Variants in KCNK5 observed in about 807,000 individuals in gnomAD.
The protein encoded by KCNK5 is potassium channel subfamily K member 5.
Under a neutral mutation model 32.9 loss-of-function variants are expected in KCNK5, and 18 were observed. That is an observed-to-expected ratio of 0.55 (90% CI 0.38 to 0.81). The LOEUF is 0.81. KCNK5 is among the 30% of genes least tolerant of loss of function. The probability of loss-of-function intolerance (pLI) is 0.00; values close to 1 mark genes in which losing one functional copy is unlikely to be tolerated. For synonymous variants in KCNK5, 276 were observed against 275.3 expected, an observed-to-expected ratio of 1.00 and a Z score of -0.03; for missense variants, 507 against 651.0, an observed-to-expected ratio of 0.78 and a Z score of 2.41.
At chr6:39,221,402 A>C (rs1195741101) in intron 1 of KCNK5, among the ~76,000 whole-genome samples, 1 of 152,198 alleles carries the variant, frequency 6.6e-6, no homozygotes, top group Non-Finnish European at 1.5e-5. Flanking sequence ...TCAGTCCTCT[A>C]TCCAACAGTG....
At chr6:39,211,088 T>C (rs1479855357) in intron 1 of KCNK5, among the ~76,000 whole-genome samples, 1 of 152,076 alleles carries the variant, frequency 6.6e-6, no homozygotes, top group Non-Finnish European at 1.5e-5. Flanking sequence ...AGATTTGTGG[T>C]GGGAAGATAG....
At chr6:39,215,557 A>G (rs1287093171) in intron 1 of KCNK5, among the ~76,000 whole-genome samples, 1 of 152,178 alleles carries the variant, frequency 6.6e-6, no homozygotes, top group Non-Finnish European at 1.5e-5. Flanking sequence ...AGGGTACCCA[A>G]GCCAAAATAA....
chr6:39,216,583 G>T (rs1458344485), intron 1 of KCNK5, among the ~76,000 whole-genome samples: 1 of 152,188 alleles, frequency 6.6e-6, no homozygotes, highest in Admixed American at 6.5e-5. Context: ...CAGAGGGCCT[G>T]GGTTCAGGCC....
At chr6:39,212,657 C>T (rs1246223477) in intron 1 of KCNK5, among the ~76,000 whole-genome samples, 1 of 152,196 alleles carries the variant, frequency 6.6e-6, no homozygotes, top group African/African-American at 2.4e-5. Flanking sequence ...CTCTGCAGGA[C>T]TCCCCTCCCA....
chr6:39,221,331 C>T (rs781482390), intron 1 of KCNK5, among the ~76,000 whole-genome samples: 1 of 152,118 alleles, frequency 6.6e-6, no homozygotes, highest in Non-Finnish European at 1.5e-5. Context: ...TCCCAGCCCC[C>T]GACTCCACCT....
rs549536018 is a variant in KCNK5, at chr6:39,212,675, C to A, written c.186+16251G>T. Among the ~76,000 whole-genome samples the A allele has an allele frequency of 3.3e-5, 5 of 152,326 alleles. No homozygotes were observed. In the East Asian group the frequency reaches 9.6e-4, roughly 29 times the overall value. Reference sequence around the variant, plus strand: ...TGCAGGACTCCCCTCCCAGACCACACCCCCACCACCTTTGTGTGGGAAATG... The same window carrying A: ...TGCAGGACTCCCCTCCCAGACCACAACCCCACCACCTTTGTGTGGGAAATG... On this transcript the variant is annotated intron_variant, in intron 1 of 4. Coordinates refer to ENST00000359534, the MANE Select transcript of KCNK5 (RefSeq NM_003740.4).
At chr6:39,209,734 C>T (rs1276032320) in intron 1 of KCNK5, among the ~76,000 whole-genome samples, 1 of 152,194 alleles carries the variant, frequency 6.6e-6, no homozygotes, top group African/African-American at 2.4e-5. Context: ...CAGACGTTTC[C>T]AAGCCTGTTT....
At chr6:39,201,409 G>A (rs906987450) in intron 1 of KCNK5, among the ~76,000 whole-genome samples, 1 of 151,854 alleles carries the variant, frequency 6.6e-6, no homozygotes, top group Non-Finnish European at 1.5e-5. Flanking sequence ...GTGCCACCAT[G>A]CCCAGCTAAT....
At chr6:39,193,914 G>C (rs1770984074) in intron 4 of KCNK5, among the ~76,000 whole-genome samples, 1 of 152,154 alleles carries the variant, frequency 6.6e-6, no homozygotes, top group African/African-American at 2.4e-5. Flanking sequence ...AGGGAGAGGA[G>C]ATCAGAGACT....
chr6:39,208,230 GA>G (rs1011379823), intron 1 of KCNK5, among the ~76,000 whole-genome samples: 4 of 152,114 alleles, frequency 2.6e-5, no homozygotes, highest in African/African-American at 9.7e-5. Flanking sequence ...AATTAAAAAA[GA>G]AAAGCCTATG....
At chr6:39,200,591 T>C (rs1771119381) in intron 1 of KCNK5, among the ~76,000 whole-genome samples, 1 of 152,092 alleles carries the variant, frequency 6.6e-6, no homozygotes, top group African/African-American at 2.4e-5. Flanking sequence ...CCTGTCCCCA[T>C]AAAGGCCACA....
rs772700732 is a variant in KCNK5, at chr6:39,191,873, T to C, written c.635-118A>G. The C allele has an allele frequency of 4.7e-4, 532 of 1,123,032 alleles. 2 individuals are homozygous for C. The highest frequency in any genetic ancestry group is 5.8e-4 in the Non-Finnish European group (459 of 787,554). 69.6% of individuals were successfully genotyped at this position (1,123,032 alleles called of 1,614,324 possible). ...GCCAGAGCACAGGACGGGGGTGCAG[T>C]GGGATAGAAAGGGGCCTGTTCTAGA... On this transcript the variant is annotated intron_variant, in intron 4 of 4. Coordinates refer to ENST00000359534, the MANE Select transcript of KCNK5 (RefSeq NM_003740.4). This position sits in a 1 kb window ranked among gnomAD's most constrained non-coding sequence, Gnocchi z 5.8.
chr6:39,208,118 C>T (rs72851831), intron 1 of KCNK5, among the ~76,000 whole-genome samples: 13,885 of 152,206 alleles, frequency 0.091, 812 homozygotes, highest in South Asian at 0.18. Context: ...TAAGTAACTG[C>T]CATCCTTGAG....
At chr6:39,192,428 C>A (rs1770958053) in intron 4 of KCNK5, among the ~76,000 whole-genome samples, 1 of 151,998 alleles carries the variant, frequency 6.6e-6, no homozygotes, top group South Asian at 2.1e-4. Context: ...CTTCTACCAT[C>A]CCCAGCTGTT....
intron 1 of KCNK5, among the ~76,000 whole-genome samples, chr6:39,228,325 G>T (rs985394923): frequency 6.6e-6 from 1 of 152,176 alleles, no homozygotes; most frequent in Non-Finnish European, 1.5e-5. Context: ...AAGCCTGAGC[G>T]CGTCCCCAGC....
At chr6:39,224,360 A>G (rs879401277) in intron 1 of KCNK5, among the ~76,000 whole-genome samples, 2 of 152,224 alleles carry the variant, frequency 1.3e-5, no homozygotes, top group Non-Finnish European at 2.9e-5. Flanking sequence ...TGAGACAAAG[A>G]GGGTGTTTAT....
chr6:39,228,961 A>G lies in KCNK5; in HGVS notation c.151T>C (p.Cys51Arg), dbSNP rs949804740. ...QKLHLLKEFP[C>R]LGQEGLDKIL... ...TTGTCCAGGCCCTCCTGACCCAGGC[A>G]CGGGAACTCCTTGAGCAGATGCAGC... Residue 51 changes from cysteine to arginine, a missense_variant, in exon 1 of 5, where the codon TGC becomes CGC. Cys to Arg is a radical substitution (Grantham distance 180, BLOSUM62 -3). Around this residue, in one of 6 missense-constraint regions of KCNK5, gnomAD observed 143 missense variants for 219.1 expected, o/e 0.65. Coordinates refer to ENST00000359534, the MANE Select transcript of KCNK5 (RefSeq NM_003740.4). 2 of 1,614,002 alleles carry G rather than the reference A, an allele frequency of 1.2e-6. No individual in the cohort carries two copies. The highest frequency in any genetic ancestry group is 1.7e-6 in the Non-Finnish European group (2 of 1,180,030).
chr6:39,204,387 G>A (rs1238060747), intron 1 of KCNK5, among the ~76,000 whole-genome samples: 1 of 152,258 alleles, frequency 6.6e-6, no homozygotes, highest in Non-Finnish European at 1.5e-5. Context: ...ACAATGAGGA[G>A]GTTGGACTAT....
intron 1 of KCNK5, among the ~76,000 whole-genome samples, chr6:39,224,170 C>T (rs553915541): frequency 4.0e-5 from 6 of 149,754 alleles, no homozygotes; most frequent in Non-Finnish European, 7.4e-5. Context: ...CTTCAATTTC[C>T]TCTCAAAAAA....
Sources: gnomAD v4.1 joint callset for allele counts (sites outside exome capture counted in the v4.1 genomes callset) on GRCh38, gnomAD v4.1.1 for gene constraint, gnomAD v4.1.1 regional missense constraint, Gnocchi (gnomAD v3.1) non-coding constraint, MANE v1.5 for transcripts, NCBI Gene and HGNC (gene_info 2026-07-23, HGNC 2026-07-21) for gene names.